The following GLG1 variants were observed in gnomAD, a reference collection of about 807,000 sequenced individuals.
The protein encoded by GLG1 is Golgi apparatus protein 1.
In GLG1, 38 loss-of-function variants were observed where a neutral mutation model predicts 160.5. That is an observed-to-expected ratio of 0.24 (90% CI 0.18 to 0.31). The LOEUF is 0.31. Ranked by LOEUF, GLG1 falls within the 10% of genes least tolerant of loss-of-function variation. The probability of loss-of-function intolerance (pLI) is 1.00; values close to 1 mark genes in which losing one functional copy is unlikely to be tolerated. For synonymous variants in GLG1, 644 were observed against 543.4 expected (o/e 1.19, Z -2.57); for missense variants, 1,373 against 1,505.2 (o/e 0.91, Z 1.45).
chr16:74,594,857 G>C (rs146216421), intron 1 of GLG1, among the ~76,000 whole-genome samples: 1,658 of 152,240 alleles, frequency 0.011, 31 homozygotes, highest in African/African-American at 0.038. Flanking sequence ...AAGGAATTAA[G>C]TTCTGCCAAA....
At chr16:74,507,189 G>A (rs141851507) in intron 3 of GLG1, among the ~76,000 whole-genome samples, 90 of 152,274 alleles carry the variant, frequency 5.9e-4, no homozygotes, top group African/African-American at 2.0e-3. Flanking sequence ...GTGGGAGGGA[G>A]AAGTGTCCTT....
chr16:74,502,985 T>A (rs1188105621), intron 4 of GLG1, among the ~76,000 whole-genome samples: 2 of 151,572 alleles, frequency 1.3e-5, no homozygotes, highest in African/African-American at 4.8e-5. Context: ...GGCGGGCAGA[T>A]CACTTGAGGT....
At chr16:74,459,619 A>G in intron 23 of GLG1, 63 bp downstream of exon 23, 1 of 855,784 alleles carries the variant, frequency 1.2e-6, no homozygotes, top group East Asian at 2.5e-5. Context: ...CTACAGCATT[A>G]AAAGGAAGAA....
At chr16:74,480,877 C>A (rs568978656) in intron 10 of GLG1, among the ~76,000 whole-genome samples, 2 of 152,248 alleles carry the variant, frequency 1.3e-5, no homozygotes, top group Admixed American at 1.3e-4. Flanking sequence ...AATGAACACA[C>A]AGTAGTCAGC....
chr16:74,455,765 A>C lies in GLG1; in HGVS notation c.3372+884T>G, dbSNP rs186867091. 3.3e-3 allele frequency among the ~76,000 whole-genome samples: 497 copies of C among 152,320 alleles called. 1 individual carries two copies. The highest frequency in any genetic ancestry group is 5.6e-3 in the Non-Finnish European group (379 of 68,026). ...GTCAATACAAAAGCATGGCTCTAAAAACCAGAGGGACTCTGGGCAAGTCGT... is the reference window on the plus strand; with the variant it reads ...GTCAATACAAAAGCATGGCTCTAAACACCAGAGGGACTCTGGGCAAGTCGT... On this transcript the variant is annotated intron_variant, in intron 25 of 25. Coordinates refer to ENST00000422840, the MANE Select transcript of GLG1 (RefSeq NM_001145667.2).
intron 1 of GLG1, among the ~76,000 whole-genome samples, chr16:74,591,966 AT>A (rs1373973583): frequency 6.6e-6 from 1 of 152,022 alleles, no homozygotes; most frequent in Non-Finnish European, 1.5e-5. Flanking sequence ...TACCCAGAGG[AT>A]TTACCCCTTC....
chr16:74,489,773 A>G (rs1037825250), intron 8 of GLG1, among the ~76,000 whole-genome samples: 3 of 151,950 alleles, frequency 2.0e-5, no homozygotes, highest in Admixed American at 6.6e-5. Context: ...ATGCGTGCGC[A>G]CACACACACA....
intron 19 of GLG1, among the ~76,000 whole-genome samples, chr16:74,463,732 T>TTG (rs57313187): frequency 0.3 from 45,914 of 151,164 alleles, 7,963 homozygotes; most frequent in South Asian, 0.51. Flanking sequence ...TTGTGTTTTT[T>TTG]TTGTTGTTGT....
intron 18 of GLG1, among the ~76,000 whole-genome samples, chr16:74,467,543 A>G (rs1597230628): frequency 2.6e-5 from 4 of 152,284 alleles, no homozygotes; most frequent in Admixed American, 2.6e-4. Context: ...AGGGAAGAAA[A>G]TGAGTTAGAG....
At chr16:74,470,094 A>G (rs1330534763) in intron 15 of GLG1, 21 bp from the exon 16 acceptor site, 1 of 1,512,606 alleles carries the variant, frequency 6.6e-7, no homozygotes, top group African/African-American at 1.4e-5. Context: ...AAGAGAAAGA[A>G]AGTCAGAAGT....
chr16:74,594,268 T>C (rs547632684), intron 1 of GLG1, among the ~76,000 whole-genome samples: 5 of 152,338 alleles, frequency 3.3e-5, no homozygotes, highest in African/African-American at 1.2e-4. Context: ...ATTTTACAAG[T>C]GTATAGATCC....
intron 20 of GLG1, chr16:74,463,105 G>C (rs977209074): frequency 3.9e-6 from 2 of 508,770 alleles, no homozygotes; most frequent in Non-Finnish European, 3.4e-6. Flanking sequence ...TCTTTCCAAG[G>C]ACTGCCGGCC....
intron 1 of GLG1, among the ~76,000 whole-genome samples, chr16:74,600,991 TA>T (rs1477937630): frequency 6.6e-6 from 1 of 152,162 alleles, no homozygotes; most frequent in Non-Finnish European, 1.5e-5. Flanking sequence ...ATGATAGGTG[TA>T]TAATAGAAGA....
At chr16:74,483,174 C>T in intron 9 of GLG1, 50 bp from the exon 10 acceptor site, 1 of 1,035,992 alleles carries the variant, frequency 9.7e-7, no homozygotes, top group Non-Finnish European at 1.5e-6. Context: ...GTTCAGAACT[C>T]TATGTCAATA....
At chr16:74,504,913 TAGAATTATA>T (rs1041774256) in intron 3 of GLG1, among the ~76,000 whole-genome samples, 2 of 152,120 alleles carry the variant, frequency 1.3e-5, no homozygotes, top group African/African-American at 4.8e-5. Flanking sequence ...AACCTAATAA[TAGAATTATA>T]AGCTTAAATT....
At chr16:74,493,223 C>G (rs2016067474) in intron 6 of GLG1, 83 bp from the exon 7 acceptor site, 2 of 844,556 alleles carry the variant, frequency 2.4e-6, no homozygotes, top group Non-Finnish European at 3.8e-6. Flanking sequence ...AGCACAGCGA[C>G]TCAGCCAAGT....
chr16:74,469,967 C>G lies in GLG1; in HGVS notation c.2318+18G>C. On this transcript the variant is annotated intron_variant, in intron 16 of 25. Transcript: ENST00000422840. ...GGAACTTCGGGAAAGTGGAATGAAA[C>G]AACTACAAGCTACATACTTCTTTTT... 6.8e-7 allele frequency: 1 copy of G among 1,466,374 alleles called. No homozygotes were observed. The highest frequency in any genetic ancestry group is 9.6e-7 in the Non-Finnish European group (1 of 1,044,966). 90.8% of individuals were successfully genotyped at this position (1,466,374 alleles called of 1,614,324 possible).
chr16:74,565,517 C>T (rs182353409), intron 1 of GLG1, among the ~76,000 whole-genome samples: 1 of 152,310 alleles, frequency 6.6e-6, no homozygotes, highest in East Asian at 1.9e-4. Context: ...ACTCAGTCTC[C>T]GCCAATCACA....
intron 3 of GLG1, 97 bp downstream of exon 3, chr16:74,508,742 A>G (rs2016701202): frequency 3.1e-6 from 2 of 640,518 alleles, no homozygotes; most frequent in Non-Finnish European, 5.7e-6. Flanking sequence ...GAATTCTAAG[A>G]AAAGTAATGT....
Sources: gnomAD v4.1 joint callset for allele counts (sites outside exome capture counted in the v4.1 genomes callset) on GRCh38, gnomAD v4.1.1 for gene constraint, MANE v1.5 for transcripts, NCBI Gene and HGNC (gene_info 2026-07-23, HGNC 2026-07-21) for gene names.